Variants in PTPRD observed in about 807,000 individuals in gnomAD.
PTPRD encodes the protein protein tyrosine phosphatase receptor type D, also known as receptor-type tyrosine-protein phosphatase delta.
A neutral mutation model predicts 214.5 loss-of-function variants in PTPRD; 34 were observed. The observed-to-expected ratio is 0.16, with a 90% CI of 0.12 to 0.21. The LOEUF is 0.21. Among genes scored for constraint, PTPRD ranks in the 10% least tolerant of loss-of-function variants. The pLI is 1.00. For missense variants in PTPRD, 2,545 were observed against 2,398.7 expected, an observed-to-expected ratio of 1.06 and a Z score of -1.27; for synonymous variants, 1,128 against 845.7, an observed-to-expected ratio of 1.33 and a Z score of -5.79.
chr9:9,450,671 T>A (rs954598259), intron 8 of PTPRD, among the ~76,000 whole-genome samples: 6 of 151,772 alleles, frequency 4.0e-5, no homozygotes, highest in African/African-American at 9.7e-5. Flanking sequence ...TCCTAGAATT[T>A]TGTTTTCGTA....
chr9:9,330,583 C>G (rs540791939), intron 9 of PTPRD, among the ~76,000 whole-genome samples: 1 of 151,996 alleles, frequency 6.6e-6, no homozygotes, highest in Non-Finnish European at 1.5e-5. Context: ...TTCAGTACAT[C>G]TTTAATCTTT....
At chr9:10,581,016 C>G (rs925987353) in intron 2 of PTPRD, among the ~76,000 whole-genome samples, 35 of 152,246 alleles carry the variant, frequency 2.3e-4, no homozygotes, top group African/African-American at 8.2e-4. Flanking sequence ...AACCTGGGAT[C>G]CTGGCTGCAT....
intron 3 of PTPRD, among the ~76,000 whole-genome samples, chr9:10,261,452 A>G (rs2093694881): frequency 6.6e-6 from 1 of 152,126 alleles, no homozygotes; most frequent in Middle Eastern, 3.2e-3. Flanking sequence ...ACAGACAAAG[A>G]AAGATACATT....
At chr9:8,948,786 C>T (rs2099086280) in intron 11 of PTPRD, among the ~76,000 whole-genome samples, 1 of 150,338 alleles carries the variant, frequency 6.7e-6, no homozygotes, top group East Asian at 2.0e-4. Context: ...ACTCAAGAAA[C>T]ACAAAAGGAT....
At chr9:8,713,745 C>A in intron 12 of PTPRD, 2 of 1,507,956 alleles carry the variant, frequency 1.3e-6, no homozygotes, top group Non-Finnish European at 1.8e-6. Context: ...TCAAGCAGTT[C>A]CACGACTGCA....
chr9:8,389,547 G>T, intron 36 of PTPRD, 140 bp from the exon 37 acceptor site: 1 of 577,192 alleles, frequency 1.7e-6, no homozygotes, highest in Non-Finnish European at 2.8e-6. Context: ...CGGGTTTCAA[G>T]CAAGATTAAA....
chr9:9,584,942 T>A (rs1409160539), intron 7 of PTPRD, among the ~76,000 whole-genome samples: 2 of 152,040 alleles, frequency 1.3e-5, no homozygotes, highest in Non-Finnish European at 2.9e-5. Context: ...TGCCCTTTAT[T>A]GCACAACCAC....
intron 14 of PTPRD, among the ~76,000 whole-genome samples, chr9:8,569,490 A>T (rs1014092460): frequency 6.6e-6 from 1 of 152,098 alleles, no homozygotes; most frequent in African/African-American, 2.4e-5. Flanking sequence ...TCTTCCATAA[A>T]AACTGGAGAA....
chr9:8,530,892 C>T (rs1458885889), intron 14 of PTPRD, among the ~76,000 whole-genome samples: 2 of 152,068 alleles, frequency 1.3e-5, no homozygotes, highest in African/African-American at 4.8e-5. Context: ...CTCTGGCTCT[C>T]CCGCTGGGCA....
Position 10,141,317 on chromosome 9 carries a change from T to G in PTPRD, c.-544-107527A>C, listed in dbSNP as rs375357918. Among the ~76,000 whole-genome samples, 233 of 152,136 alleles carry G rather than the reference T, an allele frequency of 1.5e-3. 1 individual carries two copies. The East Asian group carries it at 0.016, about 10-fold the overall frequency. Reference sequence around the variant, plus strand: ...GAAAAGAGGAAGTCAAATTGTCCCTTTTTGCAGACGACATGATTGTATATC... The same window carrying G: ...GAAAAGAGGAAGTCAAATTGTCCCTGTTTGCAGACGACATGATTGTATATC... On this transcript the variant is annotated intron_variant, in intron 3 of 45. Coordinates refer to ENST00000381196, the MANE Select transcript of PTPRD (RefSeq NM_002839.4).
At chr9:8,809,596 G>A (rs1421503205) in intron 11 of PTPRD, among the ~76,000 whole-genome samples, 4 of 152,112 alleles carry the variant, frequency 2.6e-5, no homozygotes, top group Non-Finnish European at 5.9e-5. Flanking sequence ...TTATGAAATA[G>A]ATGTTGCCCT....
chr9:9,236,338 G>A (rs947112529), intron 9 of PTPRD, among the ~76,000 whole-genome samples: 2 of 152,018 alleles, frequency 1.3e-5, no homozygotes, highest in East Asian at 1.9e-4. Flanking sequence ...TGATACCTAT[G>A]GGAAAATCAA....
chr9:8,624,185 T>G (rs1220691517), intron 14 of PTPRD, among the ~76,000 whole-genome samples: 1 of 151,860 alleles, frequency 6.6e-6, no homozygotes, highest in East Asian at 1.9e-4. Flanking sequence ...GAAATGTGTG[T>G]TAACGTAACA....
chr9:9,636,507 G>C (rs561949575), intron 7 of PTPRD, among the ~76,000 whole-genome samples: 2 of 152,006 alleles, frequency 1.3e-5, no homozygotes, highest in East Asian at 1.9e-4. Context: ...CACATACACA[G>C]AGCCTCAACT....
Position 10,334,406 on chromosome 9 carries a change from G to T in PTPRD, c.-545+6557C>A, listed in dbSNP as rs567700330. Among the ~76,000 whole-genome samples, 10 of 151,274 alleles carry T rather than the reference G, an allele frequency of 6.6e-5. No individual in the cohort carries two copies. The East Asian group carries it at 1.2e-3, about 18-fold the overall frequency. On this transcript the variant is annotated intron_variant, in intron 3 of 45. Transcript: ENST00000381196. ...GAATAGAAGGGAGCTTCCTCAACTTGGTAAAAAATATCTATCCCACCCCCC... is the reference window on the plus strand; with the variant it reads ...GAATAGAAGGGAGCTTCCTCAACTTTGTAAAAAATATCTATCCCACCCCCC...
chr9:9,881,707 C>A (rs1346746435), intron 5 of PTPRD, among the ~76,000 whole-genome samples: 2 of 152,142 alleles, frequency 1.3e-5, no homozygotes, highest in African/African-American at 4.8e-5. Context: ...AACCGTCTCA[C>A]ACCCCCACAT....
intron 7 of PTPRD, among the ~76,000 whole-genome samples, chr9:9,611,108 C>T (rs537237775): frequency 1.1e-3 from 166 of 152,218 alleles, no homozygotes; most frequent in African/African-American, 4.0e-3. Flanking sequence ...AAATACAATA[C>T]CTTTTAATAT....
At chr9:8,847,840 T>C (rs1007400110) in intron 11 of PTPRD, among the ~76,000 whole-genome samples, 2 of 152,170 alleles carry the variant, frequency 1.3e-5, no homozygotes, top group Non-Finnish European at 2.9e-5. Flanking sequence ...GAAGACATTA[T>C]AATTAACAAA....
intron 39 of PTPRD, among the ~76,000 whole-genome samples, chr9:8,346,553 A>AG (rs1418975284): frequency 2.0e-5 from 3 of 152,104 alleles, no homozygotes; most frequent in African/African-American, 7.2e-5. Context: ...CATCCAGCCC[A>AG]GGGTGTGAAT....
Sources: gnomAD v4.1 joint callset for allele counts (sites outside exome capture counted in the v4.1 genomes callset) on GRCh38, gnomAD v4.1.1 for gene constraint, MANE v1.5 for transcripts, NCBI Gene and HGNC (gene_info 2026-07-23, HGNC 2026-07-21) for gene names.